Variants in KMT2A observed in about 807,000 individuals in gnomAD.
KMT2A encodes the protein lysine methyltransferase 2A.
KMT2A carries 16 observed loss-of-function variants against 345.3 expected under a neutral mutation model. That is an observed-to-expected ratio of 0.05 (90% confidence interval 0.03 to 0.07). The LOEUF is 0.07. KMT2A is among the 10% of genes least tolerant of loss of function. The probability of loss-of-function intolerance (pLI) is 1.00; values close to 1 mark genes in which losing one functional copy is unlikely to be tolerated. For synonymous variants in KMT2A, 1,599 were observed against 1,778.6 expected (o/e 0.90, Z 2.54); for missense variants, 3,272 against 4,841.6 (o/e 0.68, Z 9.62).
Position 118,504,346 on chromosome 11 carries a change from C to G in KMT2A, c.8454C>G (p.Pro2818=), listed in dbSNP as rs186489777. Residue 2818 remains proline, a synonymous_variant, in exon 27 of 36, where the codon CCC becomes CCG. Coordinates refer to ENST00000534358, the MANE Select transcript of KMT2A (RefSeq NM_001197104.2). This position sits in a 1 kb window ranked among gnomAD's most constrained non-coding sequence, Gnocchi z 6.4. ...ESSRRVHTST[P]SDKNLLDTYN... ...GCCGCAGAGTCCACACAAGTACCCCCTCCGACAAAAATTTACTGGACACCT... is the reference window on the plus strand; with the variant it reads ...GCCGCAGAGTCCACACAAGTACCCCGTCCGACAAAAATTTACTGGACACCT... 6.1e-5 allele frequency: 99 copies of G among 1,614,188 alleles called. No homozygotes were observed. The East Asian group carries it at 2.0e-3, about 33-fold the overall frequency.
At chr11:118,443,748 G>T (rs1380268506) in intron 1 of KMT2A, among the ~76,000 whole-genome samples, 3 of 152,156 alleles carry the variant, frequency 2.0e-5, no homozygotes, top group East Asian at 3.8e-4. Context: ...AGACTGAAGG[G>T]ATTTCCCCAG....
rs2135295494 is a variant in KMT2A at position 118,521,440 on chromosome 11, C to G, written c.11643+23C>G. The G allele has an allele frequency of 6.2e-7, 1 of 1,612,814 alleles. No individual in the cohort carries two copies. The highest frequency in any genetic ancestry group is 8.5e-7 in the Non-Finnish European group (1 of 1,178,964). ...AAGGTAAGTCTCCCACTTGCACTCA[C>G]ACAGTTCTTTTGTTTTGCTGTAGAA... On this transcript the variant is annotated intron_variant, in intron 35 of 35. Coordinates refer to ENST00000534358, the MANE Select transcript of KMT2A (RefSeq NM_001197104.2). The surrounding 1 kb of genome is among the most constrained non-coding windows in gnomAD (Gnocchi z 5.3).
chr11:118,481,681 A>G, intron 6 of KMT2A, 34 bp from the exon 7 acceptor site: 2 of 1,582,844 alleles, frequency 1.3e-6, no homozygotes, highest in African/African-American at 1.4e-5. Context: ...TATTCTCACT[A>G]TAGACAGATG....
At chr11:118,439,283 A>G (rs1254816666) in intron 1 of KMT2A, among the ~76,000 whole-genome samples, 2 of 152,250 alleles carry the variant, frequency 1.3e-5, no homozygotes, top group Non-Finnish European at 2.9e-5. Context: ...TTAATAAGAA[A>G]GTCTCTATTA....
At chr11:118,517,814 T>C (rs1337786182) in intron 31 of KMT2A, among the ~76,000 whole-genome samples, 1 of 152,254 alleles carries the variant, frequency 6.6e-6, no homozygotes, top group African/African-American at 2.4e-5. Context: ...CACTCCAGCC[T>C]GGGCAACAAA....
chr11:118,458,817 A>G (rs1397591604), intron 1 of KMT2A, among the ~76,000 whole-genome samples: 5 of 152,340 alleles, frequency 3.3e-5, no homozygotes, highest in Middle Eastern at 3.4e-3. Context: ...TTTTAAACTT[A>G]TCGCTGCCAA....
chr11:118,450,465 A>G (rs989069317), intron 1 of KMT2A: 2 of 152,090 alleles, frequency 1.3e-5, no homozygotes, highest in Non-Finnish European at 2.9e-5. Context: ...GGTACTACCT[A>G]TTTCTCTAGT....
At chr11:118,487,523 T>C (rs1555041201) in intron 10 of KMT2A, among the ~76,000 whole-genome samples, 1 of 152,166 alleles carries the variant, frequency 6.6e-6, no homozygotes, top group Admixed American at 6.5e-5. Context: ...ATTCCCTAAG[T>C]GTTAATATGT....
chr11:118,482,177 G>T, intron 7 of KMT2A, 85 bp downstream of exon 7: 2 of 1,419,096 alleles, frequency 1.4e-6, no homozygotes, highest in Non-Finnish European at 9.4e-7. Context: ...TTGAAAGCAG[G>T]AAATGTATGA....
intron 2 of KMT2A, 66 bp downstream of exon 2, chr11:118,468,910 G>T: frequency 7.8e-7 from 1 of 1,283,326 alleles, no homozygotes. Context: ...GCTTCCTCTT[G>T]CCTTCTTTAC....
At position 118,472,368 on chromosome 11, in the gene KMT2A, C is replaced by T. The variant is rs2134260714; in HGVS notation, c.1209C>T (p.Val403=). 2 of 1,613,904 alleles carry T rather than the reference C, an allele frequency of 1.2e-6. No individual in the cohort carries two copies. Among genetic ancestry groups the T allele is most frequent in the Non-Finnish European group, 1.7e-6 (2 of 1,179,982 alleles). Residue 403 remains valine, a synonymous_variant, in exon 3 of 36, where the codon GTC becomes GTT. Transcript: ENST00000534358. ...QLQGRKVKTQ[V]KNIRQFIMPV... is the part of the protein sequence containing the mutation. ...AGGGAAGAAAGGTGAAGACACAGGT[C>T]AAAAATATTCGACAGTTCATCATGC...
At position 118,472,800 on chromosome 11, in the gene KMT2A, A is replaced by C; in HGVS notation, c.1641A>C (p.Ser547=). 1 of 1,613,762 alleles carries C rather than the reference A, an allele frequency of 6.2e-7. No individual in the cohort carries two copies. Among genetic ancestry groups the C allele is most frequent in the Non-Finnish European group, 8.5e-7 (1 of 1,179,960 alleles). ...GATCTAGAACGACGAAAAAATTATC[A>C]ACTCTACAAAGTGCCCCCCAGCAGC... ...SFGSRTTKKL[S]TLQSAPQQQT... is the part of the protein sequence containing the mutation. Residue 547 remains serine (S), a synonymous_variant, in exon 3 of 36, where the codon TCA becomes TCC. Transcript: ENST00000534358.
rs2134361434 is a variant in KMT2A, at chr11:118,497,552, T to G, written c.5665-384T>G. ...CTGAGACCACAGATGCGCACCACCATGCCTGGCTAATTTTTGTTTTGTTTT... is the reference window on the plus strand; with the variant it reads ...CTGAGACCACAGATGCGCACCACCAGGCCTGGCTAATTTTTGTTTTGTTTT... On this transcript the variant is annotated intron_variant, in intron 20 of 35. Coordinates refer to ENST00000534358, the MANE Select transcript of KMT2A (RefSeq NM_001197104.2). This position sits in a 1 kb window ranked among gnomAD's most constrained non-coding sequence, Gnocchi z 4.8. Among the ~76,000 whole-genome samples the G allele has an allele frequency of 1.3e-5, 2 of 152,128 alleles. No individual in the cohort carries two copies. The highest frequency in any genetic ancestry group is 1.3e-4 in the Admixed American group (2 of 15,274).
Position 118,491,973 on chromosome 11 carries a change from T to A in KMT2A, c.5004+45T>A. 2 of 1,336,678 alleles carry A rather than the reference T, an allele frequency of 1.5e-6. No individual in the cohort carries two copies. The highest frequency in any genetic ancestry group is 2.1e-6 in the Non-Finnish European group (2 of 951,868). 82.8% of individuals were successfully genotyped at this position (1,336,678 alleles called of 1,614,324 possible). A position where few individuals can be genotyped will look rare whatever the true frequency, so the allele number is the denominator to read the frequency against. ...TTTCTGAGAGCTTGTTCTTAGGTAG[T>A]CTTTACCTAGTGTTTTTCTTTTGTT... On this transcript the variant is annotated intron_variant, in intron 15 of 35. Coordinates refer to ENST00000534358, the MANE Select transcript of KMT2A (RefSeq NM_001197104.2). This position sits in a 1 kb window ranked among gnomAD's most constrained non-coding sequence, Gnocchi z 4.2.
rs530561756 is a variant in KMT2A at position 118,522,229 on chromosome 11, G to A, written c.*57G>A. 8 of 1,585,198 alleles carry A rather than the reference G, an allele frequency of 5.0e-6. No individual in the cohort carries two copies. The highest frequency in any genetic ancestry group is 3.4e-5 in the South Asian group (3 of 87,322). ...AGGAGGCGGGGCCATCCAAAGCAAC[G>A]CTGAAGGCCTTTTCCAGCAGCTGGG... On this transcript the variant is annotated 3_prime_UTR_variant, in exon 36 of 36. Transcript: ENST00000534358. This position sits in a 1 kb window ranked among gnomAD's most constrained non-coding sequence, Gnocchi z 5.4.
intron 1 of KMT2A, among the ~76,000 whole-genome samples, chr11:118,444,170 A>C (rs190455363): frequency 2.6e-5 from 4 of 152,338 alleles, no homozygotes; most frequent in Admixed American, 1.3e-4. Flanking sequence ...AACACTAGGG[A>C]AAAGTTAATT....
Position 118,522,455 on chromosome 11 carries a change from C to A in KMT2A, c.*283C>A. The A allele has an allele frequency of 2.4e-6, 1 of 408,784 alleles. No individual in the cohort carries two copies. Among genetic ancestry groups the A allele is most frequent in the Non-Finnish European group, 4.5e-6 (1 of 222,004 alleles). The allele number at this position is 408,784 out of a possible 1,614,324, so 25.3% of individuals were successfully genotyped here. A position where few individuals can be genotyped will look rare whatever the true frequency, so the allele number is the denominator to read the frequency against. On this transcript the variant is annotated 3_prime_UTR_variant, in exon 36 of 36. Coordinates refer to ENST00000534358, the MANE Select transcript of KMT2A (RefSeq NM_001197104.2). The surrounding 1 kb of genome is among the most constrained non-coding windows in gnomAD (Gnocchi z 5.4). ...GGGAATGGGGTCCCTAGCAGACTTG[C>A]CTGGAAGGAGCCTATTATAGAGGGT...
rs368814892 is a variant in KMT2A, at chr11:118,498,317, G to A, written c.5803-53G>A. 86 of 1,533,908 alleles carry A rather than the reference G, an allele frequency of 5.6e-5. No homozygotes were observed. The African/African-American group carries it at 6.8e-4, about 12-fold the overall frequency. ...TGAGTCTATAGAGGAGACGGTAAAC[G>A]TCTTAAAACATATGAAAGTCTGAAT... On this transcript the variant is annotated intron_variant, in intron 21 of 35. Transcript: ENST00000534358. This position sits in a 1 kb window ranked among gnomAD's most constrained non-coding sequence, Gnocchi z 4.4.
At chr11:118,468,625 GTTATT>G (rs1301838674) in intron 1 of KMT2A, 145 bp from the exon 2 acceptor site, 30 of 626,368 alleles carry the variant, frequency 4.8e-5, no homozygotes, top group Admixed American at 1.1e-4. Flanking sequence ...TTCAATATTA[GTTATT>G]TTATAGTATC....
Sources: gnomAD v4.1 joint callset for allele counts (sites outside exome capture counted in the v4.1 genomes callset) on GRCh38, gnomAD v4.1.1 for gene constraint, Gnocchi (gnomAD v3.1) non-coding constraint, MANE v1.5 for transcripts, NCBI Gene and HGNC (gene_info 2026-07-23, HGNC 2026-07-21) for gene names.